ATG7: variants seen among roughly 807,000 people sequenced by gnomAD.
ATG7 encodes autophagy related 7.
ATG7 carries 70 observed loss-of-function variants against 82.4 expected under a neutral mutation model. That is an observed-to-expected ratio of 0.85 (90% CI 0.70 to 1.04). The LOEUF is 1.04. ATG7 is among the 50% of genes least tolerant of loss of function. The pLI is 0.00. For synonymous variants in ATG7, 287 were observed against 313.0 expected, an observed-to-expected ratio of 0.92 and a Z score of 0.88; for missense variants, 792 against 864.3, an observed-to-expected ratio of 0.92 and a Z score of 1.05.
intron 19 of ATG7, among the ~76,000 whole-genome samples, chr3:11,391,198 C>G (rs1445926668): frequency 6.6e-6 from 1 of 152,162 alleles, no homozygotes; most frequent in East Asian, 1.9e-4. Context: ...CAAAAAAGGG[C>G]CTGGCCTCAA....
intron 7 of ATG7, 120 bp from the exon 8 acceptor site, chr3:11,313,184 A>C: frequency 1.7e-6 from 1 of 572,222 alleles, no homozygotes; most frequent in South Asian, 2.9e-5. Context: ...GATAAGCTGG[A>C]CAGACTTTGT....
intron 14 of ATG7, among the ~76,000 whole-genome samples, chr3:11,352,897 G>T (rs1328443506): frequency 2.0e-5 from 3 of 152,168 alleles, no homozygotes; most frequent in African/African-American, 7.2e-5. Flanking sequence ...GGTGGGAAAG[G>T]CCAGTGGCCA....
intron 20 of ATG7, among the ~76,000 whole-genome samples, chr3:11,524,439 A>G (rs2092521240): frequency 6.6e-6 from 1 of 152,206 alleles, no homozygotes; most frequent in Non-Finnish European, 1.5e-5. Flanking sequence ...CAGAATTCTA[A>G]TAAAGAATGT....
rs2090008555 is a variant in ATG7, at chr3:11,488,578, C to T, written c.2079+61652C>T. 5.6e-6 allele frequency: 4 copies of T among 719,410 alleles called. No homozygotes were observed. The East Asian group carries it at 2.0e-4, about 36-fold the overall frequency. 44.6% of individuals were successfully genotyped at this position (719,410 alleles called of 1,614,324 possible). A position where few individuals can be genotyped will look rare whatever the true frequency, so the allele number is the denominator to read the frequency against. ...CAACCACCACCCGCGGCCACCATGGCCGGACGGGCTCCCTAAGCCACCGAC... is the reference window on the plus strand; with the variant it reads ...CAACCACCACCCGCGGCCACCATGGTCGGACGGGCTCCCTAAGCCACCGAC... On this transcript the variant is annotated intron_variant, in intron 20 of 20. Transcript: ENST00000693202.
chr3:11,531,867 GAAAA>G (rs10706428), intron 20 of ATG7, among the ~76,000 whole-genome samples: 2 of 95,128 alleles, frequency 2.1e-5, no homozygotes, highest in Admixed American at 1.1e-4. Flanking sequence ...CCTGTCTCAG[GAAAA>G]AAAAAAAAAA....
chr3:11,564,727 G>A, the ATG7 span: 44 of 1,446,882 alleles, frequency 3.0e-5, no homozygotes, highest in African/African-American at 2.9e-4. Context: ...TCCTCTGCTC[G>A]GGGCTCTCCA....
downstream of ATG7, chr3:11,559,299 G>A (rs1357364637): frequency 6.6e-7 from 1 of 1,509,642 alleles, no homozygotes; most frequent in Non-Finnish European, 8.9e-7. Context: ...CACTAGCACA[G>A]CTGTGACAGG....
intron 20 of ATG7, among the ~76,000 whole-genome samples, chr3:11,443,393 T>C (rs1293914765): frequency 6.6e-6 from 1 of 152,166 alleles, no homozygotes; most frequent in Non-Finnish European, 1.5e-5. Flanking sequence ...TTTTCTTCGT[T>C]GTTGTTTTTT....
At chr3:11,572,743 AAC>A in the ATG7 span, among the ~76,000 whole-genome samples, 1 of 152,110 alleles carries the variant, frequency 6.6e-6, no homozygotes, top group Non-Finnish European at 1.5e-5. Context: ...CCCATGTTCC[AAC>A]ACAGAGACCT....
chr3:11,391,965 G>GC lies in ATG7; in HGVS notation c.1956+11913_1956+11914insC, dbSNP rs143035539. 9.7e-3 allele frequency among the ~76,000 whole-genome samples: 1,371 copies of GC among 141,992 alleles called. 34 individuals carry two copies. Among genetic ancestry groups the GC allele is most frequent in the African/African-American group, 0.034 (1,293 of 38,572 alleles). 93.2% of individuals were successfully genotyped at this position (141,992 alleles called of 152,430 possible). On this transcript the variant is annotated intron_variant, in intron 19 of 20. Transcript: ENST00000693202. The stretch of plus-strand genomic sequence containing the variant: ...GAATTCCATTGTACTTATTGGGGGG[G>GC]GGGTAATTTCACTTTAAATTTTTAG...
chr3:11,574,984 G>C, the ATG7 span, among the ~76,000 whole-genome samples: 1 of 151,926 alleles, frequency 6.6e-6, no homozygotes, highest in Non-Finnish European at 1.5e-5. Flanking sequence ...GTAGTGTTTG[G>C]GGAGGATGAA....
chr3:11,368,766 C>T (rs180760137), intron 18 of ATG7, among the ~76,000 whole-genome samples: 5 of 149,156 alleles, frequency 3.4e-5, no homozygotes, highest in Admixed American at 2.0e-4. Flanking sequence ...ATCAAGGTGA[C>T]GCTACAACAG....
At position 11,375,915 on chromosome 3, in the gene ATG7, A is replaced by T. The variant is rs372304129; in HGVS notation, c.1876-4057A>T. Among the ~76,000 whole-genome samples the T allele has an allele frequency of 4.3e-4, 65 of 152,338 alleles. No individual in the cohort carries two copies. In the South Asian group the frequency reaches 0.013, roughly 32 times the overall value. ...CAAGTTGGCAGTTCCTCAAAATGTT[A>T]AACAGTCGTCATATGACCCAGTAAT... On this transcript the variant is annotated intron_variant, in intron 18 of 20. Transcript: ENST00000693202.
At chr3:11,549,813 C>T (rs1229445225) in intron 20 of ATG7, among the ~76,000 whole-genome samples, 1 of 152,194 alleles carries the variant, frequency 6.6e-6, no homozygotes, top group East Asian at 1.9e-4. Flanking sequence ...GACCTTCCTC[C>T]AAAGTGGTTT....
At chr3:11,283,677 C>T (rs1330112064) in intron 3 of ATG7, among the ~76,000 whole-genome samples, 1 of 152,162 alleles carries the variant, frequency 6.6e-6, no homozygotes, top group Non-Finnish European at 1.5e-5. Context: ...TGGCTCACGC[C>T]TAGTAATCCT....
intron 18 of ATG7, among the ~76,000 whole-genome samples, chr3:11,377,413 C>T (rs1004823638): frequency 6.6e-6 from 1 of 152,128 alleles, no homozygotes; most frequent in African/African-American, 2.4e-5. Flanking sequence ...TGCACGGCAT[C>T]TTCTTTTTCT....
At chr3:11,315,067 G>A (rs1334117226) in intron 8 of ATG7, among the ~76,000 whole-genome samples, 10 of 152,100 alleles carry the variant, frequency 6.6e-5, no homozygotes, top group South Asian at 2.1e-4. Flanking sequence ...TTTCGTTACC[G>A]CTCTAAAACT....
chr3:11,573,066 T>C, the ATG7 span, among the ~76,000 whole-genome samples: 1 of 151,536 alleles, frequency 6.6e-6, no homozygotes, highest in African/African-American at 2.4e-5. Context: ...CTCCAGAGGC[T>C]GAGGGAGGAG....
rs576855991 is a variant in ATG7 at position 11,364,502 on chromosome 3, C to T, written c.1800-157C>T. Among the ~76,000 whole-genome samples, 34 of 152,272 alleles carry T rather than the reference C, an allele frequency of 2.2e-4. 1 individual carries two copies. In the East Asian group the frequency reaches 6.2e-3, roughly 28 times the overall value. ...TGCATGTTTAAATTACTCTTCTTGC[C>T]CTTTGTCCCAGGGAAATTAGTTTTT... On this transcript the variant is annotated intron_variant, in intron 17 of 20. Coordinates refer to ENST00000693202, the MANE Select transcript of ATG7 (RefSeq NM_001349232.2).
Sources: allele counts gnomAD v4.1 joint callset (sites outside exome capture counted in the v4.1 genomes callset), GRCh38; gene constraint gnomAD v4.1.1; transcripts MANE v1.5; gene names NCBI Gene and HGNC (gene_info 2026-07-23, HGNC 2026-07-21).